The following ZBTB24 variants were observed in gnomAD, a reference collection of about 807,000 sequenced individuals.
ZBTB24 encodes zinc finger and BTB domain containing 24.
Under a neutral mutation model 53.8 loss-of-function variants are expected in ZBTB24, and 32 were observed. That is an observed-to-expected ratio of 0.60 (90% CI 0.45 to 0.80). The LOEUF is 0.80. Among genes scored for constraint, ZBTB24 ranks in the 30% least tolerant of loss-of-function variants. ZBTB24 has a pLI of 0.00. For synonymous variants in ZBTB24, 297 were observed against 306.7 expected (o/e 0.97, Z 0.33); for missense variants, 722 against 837.1 (o/e 0.86, Z 1.70).
At chr6:109,477,162 G>A (rs1040927987) in intron 2 of ZBTB24, among the ~76,000 whole-genome samples, 6 of 152,088 alleles carry the variant, frequency 3.9e-5, no homozygotes, top group Non-Finnish European at 7.4e-5. Context: ...TTGTAACAGG[G>A]TCTCACTCTA....
chr6:109,476,824 G>A lies in ZBTB24; in HGVS notation c.1059C>T (p.Thr353=), dbSNP rs138458833. The A allele has an allele frequency of 9.6e-5, 155 of 1,614,048 alleles. No homozygotes were observed. The African/African-American group carries it at 1.5e-3, about 15-fold the overall frequency. ...TGGTGGTCAGAGCCTTGCTGCACAC[G>A]GTGCAGGTGTACGGCCGCTCGCCTG... ...MHTGERPYTC[T]VCSKALTTKH... Residue 353 remains threonine, a synonymous_variant, in exon 3 of 7, where the codon ACC becomes ACT. Coordinates refer to ENST00000230122, the MANE Select transcript of ZBTB24 (RefSeq NM_014797.3).
At chr6:109,467,869 G>C in intron 5 of ZBTB24, 135 bp from the exon 6 acceptor site, 1 of 1,014,976 alleles carries the variant, frequency 9.9e-7, no homozygotes, top group Non-Finnish European at 1.4e-6. Flanking sequence ...CCCTCCGTAA[G>C]CGTAAACGAA....
In ZBTB24 at chr6:109,481,920, A is replaced by G; in HGVS notation, c.107T>C (p.Leu36Pro). 1 of 1,614,222 alleles carries G rather than the reference A, an allele frequency of 6.2e-7. No homozygotes were observed. Among genetic ancestry groups the G allele is most frequent in the Non-Finnish European group, 8.5e-7 (1 of 1,180,034 alleles). The change falls in exon 2 of 7, where the codon CTC becomes CCC. Residue 36 changes from leucine (L) to proline (P), a missense_variant. By Grantham distance (98) the Leu-to-Pro change is moderately conservative (BLOSUM62 -3). Transcript: ENST00000230122. ...CTCCACGATTAAAGTAATGTCACAG[A>G]GGAAGCCTTTCTTCCTCTGATCCTC... ...SFEDQRKKGF[L>P]CDITLIVENV...
At position 109,481,275 on chromosome 6, in the gene ZBTB24, C is replaced by A; in HGVS notation, c.752G>T (p.Ser251Ile). 6.2e-7 allele frequency: 1 copy of A among 1,614,210 alleles called. No individual in the cohort carries two copies. Among genetic ancestry groups the A allele is most frequent in the South Asian group, 1.1e-5 (1 of 91,080 alleles). The change falls in exon 2 of 7, where the codon AGT (serine) becomes ATT (isoleucine). Residue 251 changes from serine to isoleucine, a missense_variant. By Grantham distance (142) the Ser-to-Ile change is moderately radical (BLOSUM62 -2). Coordinates refer to ENST00000230122, the MANE Select transcript of ZBTB24 (RefSeq NM_014797.3). ...CCAAATCCTCCGCTTGCTGTATCGA[C>A]TCTGGCTTGCCTGGCCATCCTCGGT... ...PKTEDGQASQ[S>I]RYSKRRIWRS...
At position 109,481,176 on chromosome 6, in the gene ZBTB24, C is replaced by T. The variant is rs2115366446; in HGVS notation, c.851G>A (p.Gly284Glu). The T allele has an allele frequency of 1.9e-6, 3 of 1,614,220 alleles. No homozygotes were observed. The highest frequency in any genetic ancestry group is 2.5e-6 in the Non-Finnish European group (3 of 1,180,042). ...AGGGCCTCCAGGGCGCTTTCTCCTT[C>T]CACAGATCCTCTTGGCTGAACCATG... ...EDHGSAKRIC[G>E]RRKRPGGPEA... The change falls in exon 2 of 7, where the codon GGA (glycine) becomes GAA (glutamate). Residue 284 changes from glycine (G) to glutamate (E), a missense_variant. Transcript: ENST00000230122.
rs1173386723 is a variant in ZBTB24 at position 109,466,247 on chromosome 6, C to A, written c.1698G>T (p.Met566Ile). The A allele has an allele frequency of 6.2e-7, 1 of 1,614,092 alleles. No homozygotes were observed. Among genetic ancestry groups the A allele is most frequent in the East Asian group, 2.2e-5 (1 of 44,898 alleles). ...VTDSVHNINF[M>I]PGPSQGISIV... ...TGCTGATTCCCTGGCTAGGACCGGG[C>A]ATGAAATTGATGTTATGTACAGAAT... Residue 566 changes from methionine to isoleucine, a missense_variant, in exon 7 of 7, where the codon ATG becomes ATT. Physicochemically the swap from Met to Ile is conservative, Grantham distance 10. Coordinates refer to ENST00000230122, the MANE Select transcript of ZBTB24 (RefSeq NM_014797.3).
chr6:109,475,597 A>G, intron 4 of ZBTB24, 115 bp from the exon 5 acceptor site: 1 of 1,281,592 alleles, frequency 7.8e-7, no homozygotes, highest in South Asian at 1.3e-5. Flanking sequence ...TAGTACTTTA[A>G]CCACAAAAAT....
intron 4 of ZBTB24, among the ~76,000 whole-genome samples, chr6:109,475,902 A>G (rs540751838): frequency 5.9e-5 from 9 of 152,338 alleles, no homozygotes; most frequent in African/African-American, 2.2e-4. Flanking sequence ...CATTCACTGA[A>G]GCTCCCCTGT....
chr6:109,465,885 G>A lies in ZBTB24; in HGVS notation c.2060C>T (p.Pro687Leu), dbSNP rs1776024552. The A allele has an allele frequency of 3.1e-6, 5 of 1,614,062 alleles. No individual in the cohort carries two copies. The highest frequency in any genetic ancestry group is 1.3e-5 in the African/African-American group (1 of 74,938). ...CTCCTGGCCAAGTGGCGTTGGCTGG[G>A]GCACGTGGTGAGTGGGTGGTGGCGG... ...PGPPPPTHHV[P>L]QPTPLGQEQS The change falls in exon 7 of 7, where the codon CCC (proline) becomes CTC (leucine). Residue 687 changes from proline (P) to leucine (L), a missense_variant. Pro to Leu is a moderately conservative substitution (Grantham distance 98, BLOSUM62 -3). Coordinates refer to ENST00000230122, the MANE Select transcript of ZBTB24 (RefSeq NM_014797.3).
At chr6:109,476,082 G>T in intron 4 of ZBTB24, 93 bp downstream of exon 4, 1 of 1,427,098 alleles carries the variant, frequency 7.0e-7, no homozygotes, top group Non-Finnish European at 9.8e-7. Context: ...AACGATATGT[G>T]CTAAGAGCAG....
At chr6:109,473,669 A>T (rs750847849) in intron 5 of ZBTB24, among the ~76,000 whole-genome samples, 20 of 152,202 alleles carry the variant, frequency 1.3e-4, no homozygotes, top group Non-Finnish European at 5.9e-5. Flanking sequence ...CATCTCATTC[A>T]CTGCTGTATC....
In ZBTB24 at chr6:109,476,853, G is replaced by A; in HGVS notation, c.1030C>T (p.His344Tyr). The part of the protein sequence containing the change: ...KHSLQVHTRM[H>Y]TGERPYTCTV... ...CAGGTGTACGGCCGCTCGCCTGTGT[G>A]CATCCTGGTGTGGACCTGTAGCGAG... The change falls in exon 3 of 7, where the codon CAC becomes TAC. Residue 344 changes from histidine to tyrosine, a missense_variant. Physicochemically the swap from His to Tyr is moderately conservative, Grantham distance 83. Transcript: ENST00000230122. 6.2e-7 allele frequency: 1 copy of A among 1,614,158 alleles called. No individual in the cohort carries two copies. The highest frequency in any genetic ancestry group is 1.3e-5 in the African/African-American group (1 of 75,058).
intron 4 of ZBTB24, 148 bp downstream of exon 4, chr6:109,476,027 T>C (rs1191118859): frequency 5.2e-6 from 4 of 776,194 alleles, no homozygotes; most frequent in African/African-American, 1.8e-5. Context: ...CATAAAAACA[T>C]GTAATTTAGA....
intron 5 of ZBTB24, among the ~76,000 whole-genome samples, chr6:109,472,392 A>G (rs1047371275): frequency 1.3e-5 from 2 of 152,154 alleles, no homozygotes; most frequent in Non-Finnish European, 2.9e-5. Flanking sequence ...CTCAAAGTTG[A>G]CAGGCTGAGA....
chr6:109,482,408 G>A (rs1014686532), intron 1 of ZBTB24, among the ~76,000 whole-genome samples: 6 of 152,134 alleles, frequency 3.9e-5, no homozygotes, highest in Admixed American at 3.9e-4. Context: ...CGAGGTTGCC[G>A]TGAGCCGTGA....
chr6:109,481,334 C>T lies in ZBTB24; in HGVS notation c.693G>A (p.Met231Ile). ...PTCEPSREEE[M>I]PVEKDENYDP... ...CATAGTTCTCATCTTTTTCAACTGGCATTTCCTCCTCTCTACTTGGCTCAC... is the reference window on the plus strand; with the variant it reads ...CATAGTTCTCATCTTTTTCAACTGGTATTTCCTCCTCTCTACTTGGCTCAC... Residue 231 changes from methionine (M) to isoleucine (I), a missense_variant, in exon 2 of 7, where the codon ATG becomes ATA. Physicochemically the swap from Met to Ile is conservative, Grantham distance 10 (BLOSUM62 1). Transcript: ENST00000230122. 6.2e-7 allele frequency: 1 copy of T among 1,614,194 alleles called. No individual in the cohort carries two copies. The highest frequency in any genetic ancestry group is 8.5e-7 in the Non-Finnish European group (1 of 1,180,036).
chr6:109,463,793 A>G lies in ZBTB24; in HGVS notation c.*2058T>C, dbSNP rs1775965730. The stretch of plus-strand genomic sequence containing the variant: ...ATTTTTATATGTTGAAATATTTGGC[A>G]AATGTTGGATTAAATAAACTTTTAT... On this transcript the variant is annotated 3_prime_UTR_variant, in exon 7 of 7. Transcript: ENST00000230122. 1 of 152,232 alleles carries G rather than the reference A, an allele frequency of 6.6e-6. No homozygotes were observed. The highest frequency in any genetic ancestry group is 2.1e-4 in the South Asian group (1 of 4,832). The allele number at this position is 152,232 out of a possible 1,614,324, so 9.4% of individuals were successfully genotyped here.
chr6:109,465,506 G>T lies in ZBTB24; in HGVS notation c.*345C>A. ...GAAAACAAAAAAACATAACTGGGGA[G>T]GTTGGCAAGACCATAACCTATGGCT... On this transcript the variant is annotated 3_prime_UTR_variant, in exon 7 of 7. Coordinates refer to ENST00000230122, the MANE Select transcript of ZBTB24 (RefSeq NM_014797.3). 1 of 771,638 alleles carries T rather than the reference G, an allele frequency of 1.3e-6. No homozygotes were observed. The highest frequency in any genetic ancestry group is 2.0e-6 in the Non-Finnish European group (1 of 495,244). 47.8% of individuals were successfully genotyped at this position (771,638 alleles called of 1,614,324 possible).
At position 109,481,675 on chromosome 6, in the gene ZBTB24, C is replaced by G; in HGVS notation, c.352G>C (p.Val118Leu). Residue 118 changes from valine to leucine, a missense_variant, in exon 2 of 7, where the codon GTC (valine) becomes CTC (leucine). Val to Leu is a conservative substitution (Grantham distance 32, BLOSUM62 1). Transcript: ENST00000230122. The part of the protein sequence containing the change: ...QILATAQFLK[V>L]YDLVKAYTDF... ...GTGTAAGCCTTTACCAGGTCATAGA[C>G]TTTTAAGAACTGAGCAGTAGCCAGG... The G allele has an allele frequency of 6.2e-6, 10 of 1,614,208 alleles. No homozygotes were observed. The highest frequency in any genetic ancestry group is 8.5e-6 in the Non-Finnish European group (10 of 1,180,038).
Sources: gnomAD v4.1 joint callset for allele counts (sites outside exome capture counted in the v4.1 genomes callset) on GRCh38, gnomAD v4.1.1 for gene constraint, MANE v1.5 for transcripts, NCBI Gene and HGNC (gene_info 2026-07-23, HGNC 2026-07-21) for gene names.